TMEM67: variants seen among roughly 807,000 people sequenced by gnomAD.
TMEM67 encodes transmembrane protein 67, also known as meckelin.
In TMEM67, 124 loss-of-function variants were observed where a neutral mutation model predicts 136.6. The observed-to-expected ratio is 0.91, with a 90% CI of 0.78 to 1.05. The LOEUF (loss-of-function observed/expected upper bound fraction) is 1.05. Among genes scored for constraint, TMEM67 ranks in the 50% least tolerant of loss-of-function variants. The pLI is 0.00. For synonymous variants in TMEM67, 364 were observed against 390.5 expected, an observed-to-expected ratio of 0.93 and a Z score of 0.80; for missense variants, 1,107 against 1,178.4, an observed-to-expected ratio of 0.94 and a Z score of 0.89.
At chr8:93,771,897 G>A (rs1813343546) in intron 6 of TMEM67, among the ~76,000 whole-genome samples, 1 of 152,148 alleles carries the variant, frequency 6.6e-6, no homozygotes, top group Non-Finnish European at 1.5e-5. Context: ...TCACTGTGGT[G>A]CCATGTTCAT....
intron 3 of TMEM67, 21 bp downstream of exon 3, chr8:93,758,597 A>G (rs752530890): frequency 1.3e-6 from 2 of 1,548,292 alleles, no homozygotes; most frequent in Non-Finnish European, 1.8e-6. Context: ...GATTCCTTAT[A>G]AAGAAGTAGT....
intron 13 of TMEM67, 92 bp downstream of exon 13, chr8:93,786,438 G>A: frequency 7.0e-7 from 1 of 1,432,882 alleles, no homozygotes; most frequent in Non-Finnish European, 9.7e-7. Flanking sequence ...AAGGACAACT[G>A]AATTGGAACA....
chr8:93,825,723 C>T, the TMEM67 span, among the ~76,000 whole-genome samples: 1 of 152,192 alleles, frequency 6.6e-6, no homozygotes, highest in African/African-American at 2.4e-5. Flanking sequence ...GAAGAATTTT[C>T]AGATAATTTA....
intron 1 of TMEM67, among the ~76,000 whole-genome samples, 159 bp downstream of exon 1, chr8:93,755,296 A>T (rs909664649): frequency 4.6e-5 from 7 of 152,202 alleles, no homozygotes; most frequent in African/African-American, 1.7e-4. Context: ...CTGGGATTAC[A>T]GGCGTGAGCC....
chr8:93,761,123 A>G (rs1054428241), intron 3 of TMEM67, among the ~76,000 whole-genome samples: 2 of 152,152 alleles, frequency 1.3e-5, no homozygotes, highest in Admixed American at 1.3e-4. Flanking sequence ...CAGCCTGACG[A>G]ATGTAGTCGC....
rs267607118 is a variant in TMEM67, at chr8:93,755,044, C to T, written c.130C>T (p.Gln44Ter). 9 of 1,614,100 alleles carry T rather than the reference C, an allele frequency of 5.6e-6. No individual in the cohort carries two copies. Among genetic ancestry groups the T allele is most frequent in the Non-Finnish European group, 7.6e-6 (9 of 1,180,042 alleles). ...GGCCCAGACCTTCTCTTTCCCTTTC[C>T]AGCAGCCGGAGAAGTGCGACAACAA... ...LQAQTFSFPF[Q>*]QPEKCDNNQY... The change falls in exon 1 of 28, where the codon CAG (glutamine) becomes TAG (stop). Residue 44 changes from glutamine (Q) to a stop codon, truncating the protein, a stop_gained. Coordinates refer to ENST00000453321, the MANE Select transcript of TMEM67 (RefSeq NM_153704.6). LOFTEE classifies it high-confidence loss of function.
In TMEM67 at chr8:93,815,338, A is replaced by T. The variant is rs752982945; in HGVS notation, c.2798A>T (p.Tyr933Phe). The T allele has an allele frequency of 6.2e-7, 1 of 1,605,320 alleles. No individual in the cohort carries two copies. The highest frequency in any genetic ancestry group is 1.3e-5 in the African/African-American group (1 of 74,806). ...TATTCTTTCAGCAGTGTCCTGTATT[A>T]TGGAAATGAAGCTACTCTTCTTATT... is the stretch of plus-strand genomic sequence containing the variant. Reference protein sequence around the residue: ...EGYSFSSVLYYGNEATLLIFD... With the variant: ...EGYSFSSVLYFGNEATLLIFD... The change falls in exon 27 of 28, where the codon TAT becomes TTT. Residue 933 changes from tyrosine to phenylalanine, a missense_variant. Transcript: ENST00000453321.
intron 12 of TMEM67, 115 bp from the exon 13 acceptor site, chr8:93,786,108 G>T: frequency 1.0e-6 from 1 of 956,898 alleles, no homozygotes; most frequent in South Asian, 1.4e-5. Context: ...ATGAGTTAGA[G>T]AACGCCATTG....
At chr8:93,789,185 C>G (rs565188837) in intron 14 of TMEM67, among the ~76,000 whole-genome samples, 1 of 152,288 alleles carries the variant, frequency 6.6e-6, no homozygotes, top group South Asian at 2.1e-4. Flanking sequence ...TTTGGCCTCT[C>G]TGTTGTGCTT....
rs562699632 is a variant in TMEM67 at position 93,768,995 on chromosome 8, G to A, written c.651+3349G>A. ...ATTAAAAAAAAAACAAAACCACCTC[G>A]ACCCTTCCCAAAACTTTCCTGGTCC... On this transcript the variant is annotated intron_variant, in intron 6 of 27. Transcript: ENST00000453321. Among the ~76,000 whole-genome samples, 7 of 151,532 alleles carry A rather than the reference G, an allele frequency of 4.6e-5. No individual in the cohort carries two copies. The East Asian group carries it at 7.8e-4, about 17-fold the overall frequency.
chr8:93,801,255 G>C (rs1249137907), intron 21 of TMEM67, among the ~76,000 whole-genome samples: 1 of 151,992 alleles, frequency 6.6e-6, no homozygotes, highest in Non-Finnish European at 1.5e-5. Flanking sequence ...TTTGTTTTTA[G>C]AGACAGTCTT....
chr8:93,796,813 T>A (rs975044838), intron 18 of TMEM67, among the ~76,000 whole-genome samples: 1 of 152,198 alleles, frequency 6.6e-6, no homozygotes, highest in Non-Finnish European at 1.5e-5. Flanking sequence ...GCTTCTAGAA[T>A]CTTTGGGAAA....
intron 14 of TMEM67, 74 bp from the exon 15 acceptor site, chr8:93,791,189 T>C: frequency 1.0e-6 from 1 of 995,946 alleles, no homozygotes; most frequent in Non-Finnish European, 1.6e-6. Flanking sequence ...CAGCTACAAA[T>C]GTATTTTTAT....
chr8:93,785,590 T>A (rs1299872359), intron 12 of TMEM67: 2 of 524,676 alleles, frequency 3.8e-6, no homozygotes, highest in African/African-American at 3.9e-5. Context: ...GTTAAGAAAT[T>A]ATACTGTTGC....
chr8:93,757,171 C>G (rs1812613623), intron 2 of TMEM67: 1 of 151,800 alleles, frequency 6.6e-6, no homozygotes, highest in Non-Finnish European at 1.5e-5. Flanking sequence ...AGGAGTATTT[C>G]TTGATAAATT....
chr8:93,774,494 A>G (rs1284048102), intron 7 of TMEM67, among the ~76,000 whole-genome samples: 1 of 152,038 alleles, frequency 6.6e-6, no homozygotes, highest in Non-Finnish European at 1.5e-5. Context: ...TATTTATCCT[A>G]ATGCTATCCC....
intron 16 of TMEM67, among the ~76,000 whole-genome samples, chr8:93,794,397 CTT>C (rs1244490598): frequency 1.3e-5 from 2 of 152,132 alleles, no homozygotes; most frequent in Non-Finnish European, 2.9e-5. Flanking sequence ...GTACCAGGCA[CTT>C]TTTAAAGCTT....
At position 93,803,661 on chromosome 8, in the gene TMEM67, G is replaced by A. The variant is rs201949664; in HGVS notation, c.2299G>A (p.Val767Ile). 384 of 1,593,874 alleles carry A rather than the reference G, an allele frequency of 2.4e-4. No homozygotes were observed. Among genetic ancestry groups the A allele is most frequent in the Non-Finnish European group, 3.1e-4 (361 of 1,162,326 alleles). ...TATAGAAGATAAAATTCGACAGTTC[G>A]TTGATTTATGCTCTATGAGTAATGT... ...RFIEDKIRQF[V>I]DLCSMSNISV... is the part of the protein sequence containing the mutation. Residue 767 changes from valine to isoleucine, a missense_variant, in exon 22 of 28, where the codon GTT (valine) becomes ATT (isoleucine). By Grantham distance (29) the Val-to-Ile change is conservative. Coordinates refer to ENST00000453321, the MANE Select transcript of TMEM67 (RefSeq NM_153704.6).
At position 93,765,648 on chromosome 8, in the gene TMEM67, T is replaced by G. The variant is rs199821258; in HGVS notation, c.651+2T>G. 117 of 1,605,100 alleles carry G rather than the reference T, an allele frequency of 7.3e-5. No homozygotes were observed. Among genetic ancestry groups the G allele is most frequent in the Non-Finnish European group, 9.2e-5 (108 of 1,171,752 alleles). On this transcript the variant is annotated splice_donor_variant, in intron 6 of 27. Coordinates refer to ENST00000453321, the MANE Select transcript of TMEM67 (RefSeq NM_153704.6). LOFTEE classifies it high-confidence loss of function. ...TCAGCTGCACGTTATGGAGAAGTTG[T>G]GAGTATGTTTCAATTTTTTTGTTCT... is the stretch of plus-strand genomic sequence containing the variant.
Sources: gnomAD v4.1 joint callset for allele counts (sites outside exome capture counted in the v4.1 genomes callset) on GRCh38, gnomAD v4.1.1 for gene constraint, MANE v1.5 for transcripts, NCBI Gene and HGNC (gene_info 2026-07-23, HGNC 2026-07-21) for gene names.